SUPT3H: variants seen among roughly 807,000 people sequenced by gnomAD.
SUPT3H encodes transcription initiation protein SPT3 homolog.
A neutral mutation model predicts 44.3 loss-of-function variants in SUPT3H; 44 were observed. That is an observed-to-expected ratio of 0.99 (90% CI 0.78 to 1.28). The LOEUF is 1.28. Ranked by LOEUF, SUPT3H falls within the 50% of genes most tolerant of loss-of-function variation. The pLI is 0.00. For missense variants in SUPT3H, 380 were observed against 387.1 expected, an observed-to-expected ratio of 0.98 and a Z score of 0.15; for synonymous variants, 124 against 125.6, an observed-to-expected ratio of 0.99 and a Z score of 0.09.
At chr6:45,102,958 AAAG>A (rs1334983039) in intron 3 of SUPT3H, among the ~76,000 whole-genome samples, 1 of 152,124 alleles carries the variant, frequency 6.6e-6, no homozygotes, top group African/African-American at 2.4e-5. Context: ...AAAAAAAAAA[AAAG>A]ATGTTCAAAG....
intron 2 of SUPT3H, among the ~76,000 whole-genome samples, chr6:45,337,671 G>A (rs1172014094): frequency 2.0e-5 from 3 of 151,650 alleles, no homozygotes; most frequent in Non-Finnish European, 4.4e-5. Context: ...TATCCTCAGA[G>A]CAAAACATTT....
chr6:45,365,080 T>G, intron 2 of SUPT3H, 121 bp downstream of exon 2: 1 of 680,234 alleles, frequency 1.5e-6, no homozygotes, highest in Non-Finnish European at 2.2e-6. Context: ...GTATTTCATT[T>G]TTACTTGATT....
At chr6:45,032,594 C>T (rs1372340166) in intron 3 of SUPT3H, among the ~76,000 whole-genome samples, 1 of 152,150 alleles carries the variant, frequency 6.6e-6, no homozygotes, top group African/African-American at 2.4e-5. Flanking sequence ...GATTCATTCA[C>T]ATCAGGATAA....
At chr6:45,206,424 A>C (rs1763231998) in intron 2 of SUPT3H, among the ~76,000 whole-genome samples, 2 of 152,144 alleles carry the variant, frequency 1.3e-5, no homozygotes, top group East Asian at 3.9e-4. Context: ...TGAGGGCAAG[A>C]GCAGAAGAAA....
intron 10 of SUPT3H, among the ~76,000 whole-genome samples, chr6:44,914,034 A>T (rs1767448466): frequency 6.6e-6 from 1 of 152,208 alleles, no homozygotes; most frequent in South Asian, 2.1e-4. Flanking sequence ...ATAATATTCT[A>T]TTATAATAAT....
intron 2 of SUPT3H, among the ~76,000 whole-genome samples, chr6:45,181,027 A>AAAC (rs1813062943): frequency 6.6e-6 from 1 of 151,406 alleles, no homozygotes; most frequent in South Asian, 2.1e-4. Flanking sequence ...TACAAGAAAA[A>AAAC]AAACAACCCC....
At chr6:45,085,638 AAC>A (rs140419566) in intron 3 of SUPT3H, among the ~76,000 whole-genome samples, 1,895 of 152,270 alleles carry the variant, frequency 0.012, 34 homozygotes, top group Middle Eastern at 0.037. Flanking sequence ...GAAAGTATTT[AAC>A]ACTGTAATCA....
intron 2 of SUPT3H, among the ~76,000 whole-genome samples, chr6:45,339,890 C>T (rs1211789569): frequency 2.6e-5 from 4 of 151,986 alleles, no homozygotes; most frequent in South Asian, 2.1e-4. Flanking sequence ...TTTACTGTAC[C>T]GGGTACTATG....
intron 3 of SUPT3H, among the ~76,000 whole-genome samples, chr6:45,086,087 T>C (rs1301720783): frequency 1.3e-5 from 2 of 152,100 alleles, no homozygotes; most frequent in East Asian, 1.9e-4. Context: ...TTTCTGTCAC[T>C]GACTTTGTAA....
intron 2 of SUPT3H, among the ~76,000 whole-genome samples, chr6:45,289,555 C>A (rs1355689753): frequency 6.6e-6 from 1 of 152,136 alleles, no homozygotes. Context: ...CCCTGAGCCA[C>A]TCTCCTTCCA....
At chr6:44,834,131 C>A (rs1192645033) in intron 10 of SUPT3H, among the ~76,000 whole-genome samples, 2 of 152,084 alleles carry the variant, frequency 1.3e-5, no homozygotes, top group African/African-American at 4.8e-5. Flanking sequence ...TTTGGAATGT[C>A]TTAGAAGTAT....
chr6:45,282,224 C>A (rs993271923), intron 2 of SUPT3H, among the ~76,000 whole-genome samples: 12 of 152,146 alleles, frequency 7.9e-5, no homozygotes, highest in African/African-American at 1.9e-4. Flanking sequence ...AGCAACAGAG[C>A]AAAGCTGGAT....
At chr6:44,935,491 AT>A in intron 9 of SUPT3H, among the ~76,000 whole-genome samples, 1 of 152,306 alleles carries the variant, frequency 6.6e-6, no homozygotes, top group African/African-American at 2.4e-5. Context: ...AAACCCAAAT[AT>A]TTGACAAAAT....
At chr6:44,954,433 C>T in intron 8 of SUPT3H, 62 bp downstream of exon 8, 1 of 1,147,232 alleles carries the variant, frequency 8.7e-7, no homozygotes, top group Admixed American at 1.7e-5. Context: ...AAGAATTGAT[C>T]ATGGGCAGAG....
chr6:45,023,558 T>C (rs1785485350), intron 3 of SUPT3H, among the ~76,000 whole-genome samples: 1 of 152,034 alleles, frequency 6.6e-6, no homozygotes, highest in Non-Finnish European at 1.5e-5. Context: ...TTAAAGAAAA[T>C]GTGGTATATA....
chr6:45,116,464 T>C (rs1426486213), intron 2 of SUPT3H, among the ~76,000 whole-genome samples: 1 of 152,174 alleles, frequency 6.6e-6, no homozygotes, highest in East Asian at 1.9e-4. Flanking sequence ...TATATGTCAT[T>C]TAAACCTCTT....
At chr6:45,335,428 G>A (rs937612135) in intron 2 of SUPT3H, among the ~76,000 whole-genome samples, 3 of 151,118 alleles carry the variant, frequency 2.0e-5, no homozygotes, top group Non-Finnish European at 4.5e-5. Flanking sequence ...AAATCCATGT[G>A]TATCAAAAAG....
chr6:45,142,829 ACACATAAGGACT>A (rs1338695320), intron 2 of SUPT3H, among the ~76,000 whole-genome samples: 1 of 151,446 alleles, frequency 6.6e-6, no homozygotes, highest in Non-Finnish European at 1.5e-5. Flanking sequence ...AGACTCACTA[ACACATAAGGACT>A]CACATAAGGT....
At chr6:45,375,723 T>C (rs1394998734) in intron 1 of SUPT3H, among the ~76,000 whole-genome samples, 2 of 152,180 alleles carry the variant, frequency 1.3e-5, no homozygotes, top group Admixed American at 1.3e-4. Flanking sequence ...GGCACCATTT[T>C]ACAGACATCA....
Sources: allele counts gnomAD v4.1 joint callset (sites outside exome capture counted in the v4.1 genomes callset), GRCh38; gene constraint gnomAD v4.1.1; transcripts MANE v1.5; gene names NCBI Gene and HGNC (gene_info 2026-07-23, HGNC 2026-07-21).